The following IGSF8 variants were observed in gnomAD, a reference collection of about 807,000 sequenced individuals.
IGSF8 encodes CD81 partner 3.
In IGSF8, 46 loss-of-function variants were observed where a neutral mutation model predicts 55.5. The ratio of observed to expected loss-of-function variants is 0.83; its 90% confidence interval spans 0.65 to 1.06. The LOEUF is 1.06. IGSF8 is among the 50% of genes least tolerant of loss of function. The pLI, the probability that IGSF8 is intolerant of heterozygous loss-of-function variation, is 0.00. For synonymous variants in IGSF8, 314 were observed against 356.1 expected, an observed-to-expected ratio of 0.88 and a Z score of 1.33; for missense variants, 731 against 832.3, an observed-to-expected ratio of 0.88 and a Z score of 1.50.
At chr1:160,093,560 G>A in intron 3 of IGSF8, 150 bp downstream of exon 3, 1 of 786,952 alleles carries the variant, frequency 1.3e-6, no homozygotes, top group Admixed American at 2.9e-5. Context: ...CAAGGGCCGG[G>A]GGAGAGAAAT....
chr1:160,098,399 C>A lies in IGSF8; in HGVS notation c.64+10G>T, dbSNP rs747747947. ...GCAGGGCCGGGAACCGGAACGGGGG[C>A]CTGGCTTACCTAGCATTAGCAGCAG... On this transcript the variant is annotated intron_variant, in intron 1 of 6. Coordinates refer to ENST00000314485, the MANE Select transcript of IGSF8 (RefSeq NM_052868.6). The A allele has an allele frequency of 2.6e-6, 4 of 1,551,070 alleles. No homozygotes were observed. In the South Asian group the frequency reaches 3.6e-5, roughly 14 times the overall value.
In IGSF8 at chr1:160,091,438, G is replaced by T. The variant is rs960819610; in HGVS notation, c.*186C>A. On this transcript the variant is annotated 3_prime_UTR_variant, in exon 7 of 7. Coordinates refer to ENST00000314485, the MANE Select transcript of IGSF8 (RefSeq NM_052868.6). ...ATCCCTAAGAGATCAAGAACAGAAG[G>T]CCAGAGGGAGGGGCTTGGGAGGGAA... 2 of 232,008 alleles carry T rather than the reference G, an allele frequency of 8.6e-6. No individual in the cohort carries two copies. The highest frequency in any genetic ancestry group is 8.5e-6 in the Non-Finnish European group (1 of 117,500). 14.4% of individuals were successfully genotyped at this position (232,008 alleles called of 1,614,324 possible).
chr1:160,094,215 C>T lies in IGSF8; in HGVS notation c.443-44G>A. The T allele has an allele frequency of 7.7e-7, 1 of 1,306,000 alleles. No homozygotes were observed. Among genetic ancestry groups the T allele is most frequent in the Non-Finnish European group, 1.1e-6 (1 of 944,188 alleles). 80.9% of individuals were successfully genotyped at this position (1,306,000 alleles called of 1,614,324 possible). A position where few individuals can be genotyped will look rare whatever the true frequency, so the allele number is the denominator to read the frequency against. On this transcript the variant is annotated intron_variant, in intron 2 of 6. Transcript: ENST00000314485. The surrounding 1 kb of genome is among the most constrained non-coding windows in gnomAD (Gnocchi z 4.0). ...GTGAGGGAGGGCTGGGAGCTGGCAG[C>T]CCTTGTTACTGTTTCCTGTGTATAG...
At chr1:160,092,900 G>T in intron 4 of IGSF8, 24 bp downstream of exon 4, 2 of 1,577,566 alleles carry the variant, frequency 1.3e-6, no homozygotes, top group Non-Finnish European at 1.7e-6. Flanking sequence ...CTCGAACCCC[G>T]TCCAGGGCCC....
rs1649954339 is a variant in IGSF8 at position 160,091,571 on chromosome 1, T to C, written c.*53A>G. Reference sequence around the variant, plus strand: ...GGTGTCCAGGCAACCAGAGGAGGGCTTGGAGCTGGGCCGGAAGACAGTCGA... The same window carrying C: ...GGTGTCCAGGCAACCAGAGGAGGGCCTGGAGCTGGGCCGGAAGACAGTCGA... On this transcript the variant is annotated 3_prime_UTR_variant, in exon 7 of 7. Transcript: ENST00000314485. 8.5e-6 allele frequency: 4 copies of C among 472,438 alleles called. No individual in the cohort carries two copies. The South Asian group carries it at 1.0e-4, about 12-fold the overall frequency. 29.3% of individuals were successfully genotyped at this position (472,438 alleles called of 1,614,324 possible). A position where few individuals can be genotyped will look rare whatever the true frequency, so the allele number is the denominator to read the frequency against.
intron 1 of IGSF8, chr1:160,098,027 GC>G: frequency 1.0e-6 from 1 of 972,868 alleles, no homozygotes; most frequent in Non-Finnish European, 1.2e-6. Flanking sequence ...GGCAGGCACT[GC>G]CCTCGTAGGG....
At chr1:160,098,317 G>A in intron 1 of IGSF8, 92 bp downstream of exon 1, 3 of 1,487,522 alleles carry the variant, frequency 2.0e-6, no homozygotes, top group Non-Finnish European at 2.7e-6. Flanking sequence ...CCTGACGGAG[G>A]AGGATGTGAG....
intron 1 of IGSF8, among the ~76,000 whole-genome samples, chr1:160,097,551 A>T (rs1195288425): frequency 6.6e-6 from 1 of 152,020 alleles, no homozygotes; most frequent in Admixed American, 6.5e-5. Flanking sequence ...CTTCAGCCTC[A>T]TCAACATCTG....
chr1:160,096,820 G>T (rs559603570), intron 1 of IGSF8, among the ~76,000 whole-genome samples: 1 of 152,290 alleles, frequency 6.6e-6, no homozygotes, highest in East Asian at 1.9e-4. Flanking sequence ...GGAGAGCCCT[G>T]CCCCAGGCCA....
rs1460814489 is a variant in IGSF8 at position 160,092,645 on chromosome 1, C to T, written c.1363G>A (p.Gly455Arg). 6.2e-6 allele frequency: 10 copies of T among 1,601,888 alleles called. No individual in the cohort carries two copies. Among genetic ancestry groups the T allele is most frequent in the East Asian group, 2.2e-5 (1 of 44,886 alleles). ...TTGCACAGCAGGGAGGCAGTCTCCC[C>T]GCGGTACACTGTGCCTCCTGCTAGC... ...AWLAGGTVYR[G>R]ETASLLCNIS... is the part of the protein sequence containing the mutation. Residue 455 changes from glycine to arginine, a missense_variant, in exon 5 of 7, where the codon GGG (glycine) becomes AGG (arginine). By Grantham distance (125) the Gly-to-Arg change is moderately radical. Coordinates refer to ENST00000314485, the MANE Select transcript of IGSF8 (RefSeq NM_052868.6).
Position 160,093,286 on chromosome 1 carries a change from C to T in IGSF8, c.950G>A (p.Gly317Asp), listed in dbSNP as rs1392456931. The change falls in exon 4 of 7, where the codon GGC becomes GAC. Residue 317 changes from glycine (G) to aspartate (D), a missense_variant. Physicochemically the swap from Gly to Asp is moderately conservative, Grantham distance 94. Transcript: ENST00000314485. The part of the protein sequence containing the change: ...VTVGPGERRI[G>D]PGEPLELLCN... Reference sequence around the variant, plus strand: ...CAGCAGTTCCAAGGGCTCCCCTGGGCCGATCCGACGTTCACCAGGCCCCAC... The same window carrying T: ...CAGCAGTTCCAAGGGCTCCCCTGGGTCGATCCGACGTTCACCAGGCCCCAC... 2 of 1,606,896 alleles carry T rather than the reference C, an allele frequency of 1.2e-6. No individual in the cohort carries two copies. The highest frequency in any genetic ancestry group is 4.5e-5 in the East Asian group (2 of 44,684).
chr1:160,098,381 C>A, intron 1 of IGSF8, 28 bp downstream of exon 1: 1 of 1,552,692 alleles, frequency 6.4e-7, no homozygotes, highest in East Asian at 2.4e-5. Context: ...CCGGCAGGGC[C>A]GGGAACCGGA....
In IGSF8 at chr1:160,094,943, C is replaced by T. The variant is rs1481802716; in HGVS notation, c.368G>A (p.Gly123Asp). ...GGAGGGGGTGTGGCACTCATAAATG[C>T]CGGCATCCTGGGCCTGCAGGCGGGC... ...KIARLQAQDA[G>D]IYECHTPSTD... is the part of the protein sequence containing the mutation. Residue 123 changes from glycine to aspartate, a missense_variant, in exon 2 of 7, where the codon GGC (glycine) becomes GAC (aspartate). Transcript: ENST00000314485. This position sits in a 1 kb window ranked among gnomAD's most constrained non-coding sequence, Gnocchi z 4.0. The T allele has an allele frequency of 2.5e-6, 4 of 1,614,022 alleles. No homozygotes were observed. The highest frequency in any genetic ancestry group is 2.5e-6 in the Non-Finnish European group (3 of 1,180,018).
Position 160,094,205 on chromosome 1 carries a change from G to A in IGSF8, c.443-34C>T, listed in dbSNP as rs761658226. 10 of 1,393,288 alleles carry A rather than the reference G, an allele frequency of 7.2e-6. No individual in the cohort carries two copies. The highest frequency in any genetic ancestry group is 2.2e-4 in the Middle Eastern group (1 of 4,532). The allele number at this position is 1,393,288 out of a possible 1,614,324, so 86.3% of individuals were successfully genotyped here. ...AACAGCTGGAGTGAGGGAGGGCTGG[G>A]AGCTGGCAGCCCTTGTTACTGTTTC... On this transcript the variant is annotated intron_variant, in intron 2 of 6. Transcript: ENST00000314485. The surrounding 1 kb of genome is among the most constrained non-coding windows in gnomAD (Gnocchi z 4.0).
chr1:160,098,375 CA>C, intron 1 of IGSF8, 33 bp downstream of exon 1: 1 of 1,553,012 alleles, frequency 6.4e-7, no homozygotes, highest in East Asian at 2.3e-5. Context: ...ACCTGCCCGG[CA>C]GGGCCGGGAA....
intron 4 of IGSF8, 45 bp from the exon 5 acceptor site, chr1:160,092,740 G>A (rs1414477152): frequency 6.3e-7 from 1 of 1,584,866 alleles, no homozygotes; most frequent in Middle Eastern, 1.7e-4. Flanking sequence ...GGGCCAGGGA[G>A]CATGGGGTTA....
chr1:160,097,771 C>T, intron 1 of IGSF8: 1 of 985,436 alleles, frequency 1.0e-6, no homozygotes, highest in Non-Finnish European at 1.2e-6. Flanking sequence ...CCTGGTTTCT[C>T]CTGAGGCAAG....
chr1:160,097,683 G>A, intron 1 of IGSF8: 1 of 985,234 alleles, frequency 1.0e-6, no homozygotes, highest in Non-Finnish European at 1.2e-6. Context: ...TGCAAGATTG[G>A]CCCAGAACAC....
chr1:160,093,410 C>T (rs1325100761), intron 3 of IGSF8, 79 bp from the exon 4 acceptor site: 1 of 1,411,986 alleles, frequency 7.1e-7, no homozygotes, highest in Non-Finnish European at 9.6e-7. Context: ...CTTCCTGTTT[C>T]CTACTTGACA....
Sources: allele counts gnomAD v4.1 joint callset (sites outside exome capture counted in the v4.1 genomes callset), GRCh38; gene constraint gnomAD v4.1.1; non-coding constraint Gnocchi (gnomAD v3.1); transcripts MANE v1.5; gene names NCBI Gene and HGNC (gene_info 2026-07-23, HGNC 2026-07-21).